GSK3B: variants seen among roughly 807,000 people sequenced by gnomAD.
GSK3B encodes glycogen synthase kinase 3 beta, also known as glycogen synthase kinase-3 beta.
In GSK3B, 15 loss-of-function variants were observed where a neutral mutation model predicts 56.4. The observed-to-expected ratio is 0.27, with a 90% confidence interval of 0.18 to 0.41. GSK3B has a LOEUF of 0.41. Among genes scored for constraint, GSK3B ranks in the 10% least tolerant of loss-of-function variants. The pLI is 1.00. For synonymous variants in GSK3B, 181 were observed against 188.9 expected (o/e 0.96, Z 0.34); for missense variants, 300 against 513.4 (o/e 0.58, Z 4.02).
At chr3:119,849,086 C>T (rs1320442113) in intron 9 of GSK3B, among the ~76,000 whole-genome samples, 2 of 152,058 alleles carry the variant, frequency 1.3e-5, no homozygotes, top group Non-Finnish European at 2.9e-5. Context: ...ATTGTGATGG[C>T]TGAAAACTTT....
intron 2 of GSK3B, among the ~76,000 whole-genome samples, chr3:119,985,750 C>T (rs2107458968): frequency 6.6e-6 from 1 of 152,242 alleles, no homozygotes; most frequent in Middle Eastern, 3.4e-3. Flanking sequence ...GTGAAAACGG[C>T]CATACTGCCC....
chr3:119,902,343 AGGAG>A (rs1402087002), intron 7 of GSK3B, among the ~76,000 whole-genome samples: 1 of 152,042 alleles, frequency 6.6e-6, no homozygotes, highest in Non-Finnish European at 1.5e-5. Flanking sequence ...AATAATAGGA[AGGAG>A]GGAGGGAGGG....
chr3:120,009,669 A>T (rs1166171341), intron 1 of GSK3B, among the ~76,000 whole-genome samples: 2 of 152,046 alleles, frequency 1.3e-5, no homozygotes, highest in Non-Finnish European at 2.9e-5. Context: ...GGAGGTGAAC[A>T]TCACACACCA....
intron 3 of GSK3B, among the ~76,000 whole-genome samples, chr3:119,940,685 T>C (rs2057039607): frequency 6.6e-6 from 1 of 152,154 alleles, no homozygotes. Flanking sequence ...AATGGCTTGA[T>C]GGTTCTGTTT....
At chr3:119,970,504 G>T (rs2057355282) in intron 2 of GSK3B, among the ~76,000 whole-genome samples, 1 of 151,874 alleles carries the variant, frequency 6.6e-6, no homozygotes, top group African/African-American at 2.4e-5. Flanking sequence ...GGGCGCGGTG[G>T]CTCACGCCTG....
intron 3 of GSK3B, among the ~76,000 whole-genome samples, chr3:119,936,442 G>T (rs759364005): frequency 6.7e-6 from 1 of 150,300 alleles, no homozygotes; most frequent in Non-Finnish European, 1.5e-5. Flanking sequence ...TGCCTCCCAG[G>T]TTCAAGTGAT....
At chr3:119,971,274 T>C (rs2057364069) in intron 2 of GSK3B, among the ~76,000 whole-genome samples, 1 of 152,210 alleles carries the variant, frequency 6.6e-6, no homozygotes, top group South Asian at 2.1e-4. Context: ...TCAGTCAAGA[T>C]TCAATTTCTG....
At chr3:119,981,687 C>T (rs953121027) in intron 2 of GSK3B, among the ~76,000 whole-genome samples, 5 of 152,236 alleles carry the variant, frequency 3.3e-5, no homozygotes, top group African/African-American at 9.6e-5. Context: ...AAAAAGTGGC[C>T]GGGAAGCTCG....
chr3:119,832,625 GATTAT>G (rs2055621314), intron 10 of GSK3B, among the ~76,000 whole-genome samples: 2 of 152,206 alleles, frequency 1.3e-5, no homozygotes. Context: ...GACAAAAAAG[GATTAT>G]ATTAGATTTA....
intron 1 of GSK3B, among the ~76,000 whole-genome samples, chr3:120,048,149 G>A (rs897290517): frequency 6.6e-6 from 1 of 152,148 alleles, no homozygotes; most frequent in South Asian, 2.1e-4. Context: ...TACAGATAAG[G>A]TAAAAGAAAA....
intron 2 of GSK3B, among the ~76,000 whole-genome samples, chr3:119,957,030 A>G (rs1227882565): frequency 2.0e-5 from 3 of 152,334 alleles, no homozygotes; most frequent in Non-Finnish European, 4.4e-5. Context: ...TTACAAACAC[A>G]GGTGGCTGGT....
chr3:120,039,353 A>G (rs76365284), intron 1 of GSK3B, among the ~76,000 whole-genome samples: 2,456 of 152,346 alleles, frequency 0.016, 63 homozygotes, highest in African/African-American at 0.056. Context: ...ATATTTACAC[A>G]AGTGAGTTGA....
intron 2 of GSK3B, among the ~76,000 whole-genome samples, chr3:119,976,723 G>A (rs1369502162): frequency 1.4e-5 from 2 of 146,618 alleles, no homozygotes; most frequent in African/African-American, 2.6e-5. Flanking sequence ...ATCTCAATAA[G>A]GTTGTTATAA....
rs548964033 is a variant in GSK3B, at chr3:120,036,703, G to T, written c.89-34464C>A. Among the ~76,000 whole-genome samples the T allele has an allele frequency of 5.6e-5, 8 of 142,334 alleles. No homozygotes were observed. The East Asian group carries it at 1.8e-3, about 32-fold the overall frequency. 93.4% of individuals were successfully genotyped at this position (142,334 alleles called of 152,430 possible). Reference sequence around the variant, plus strand: ...AGCTCATCAGGAGGCTGAGGCAAGAGAATTGCTTGAACCCGGGAGGCAGAA... The same window carrying T: ...AGCTCATCAGGAGGCTGAGGCAAGATAATTGCTTGAACCCGGGAGGCAGAA... On this transcript the variant is annotated intron_variant, in intron 1 of 10. Coordinates refer to ENST00000264235, the MANE Select transcript of GSK3B (RefSeq NM_001146156.2).
chr3:119,821,872 T>C lies in GSK3B; in HGVS notation c.*4916A>G. The C allele has an allele frequency of 5.8e-6, 1 of 173,026 alleles. No individual in the cohort carries two copies. Among genetic ancestry groups the C allele is most frequent in the Non-Finnish European group, 1.3e-5 (1 of 79,794 alleles). 10.7% of individuals were successfully genotyped at this position (173,026 alleles called of 1,614,324 possible). A position where few individuals can be genotyped will look rare whatever the true frequency, so the allele number is the denominator to read the frequency against. On this transcript the variant is annotated 3_prime_UTR_variant, in exon 11 of 11. Transcript: ENST00000264235. ...CTAATTAGAGGAATGGAAATGGTGA[T>C]GTGACTACATATTGCAGCGGCAAAA...
rs1363100332 is a variant in GSK3B, at chr3:120,002,330, T to C, written c.89-91A>G. ...AAATATACAAGGTAAACTATATTCTTTATTTTTTATTTTATTTTTTTTTTT... is the reference window on the plus strand; with the variant it reads ...AAATATACAAGGTAAACTATATTCTCTATTTTTTATTTTATTTTTTTTTTT... On this transcript the variant is annotated intron_variant, in intron 1 of 10. Coordinates refer to ENST00000264235, the MANE Select transcript of GSK3B (RefSeq NM_001146156.2). The C allele has an allele frequency of 2.1e-5, 12 of 580,208 alleles. No individual in the cohort carries two copies. The Admixed American group carries it at 3.2e-4, about 15-fold the overall frequency. 35.9% of individuals were successfully genotyped at this position (580,208 alleles called of 1,614,324 possible). A position where few individuals can be genotyped will look rare whatever the true frequency, so the allele number is the denominator to read the frequency against.
At chr3:119,974,087 A>G (rs760919681) in intron 2 of GSK3B, among the ~76,000 whole-genome samples, 15 of 152,346 alleles carry the variant, frequency 9.8e-5, no homozygotes, top group Admixed American at 2.0e-4. Context: ...AAACACATCC[A>G]TGAAAGAAAA....
intron 3 of GSK3B, among the ~76,000 whole-genome samples, chr3:119,929,180 C>A (rs1397944553): frequency 6.6e-6 from 1 of 152,014 alleles, no homozygotes; most frequent in South Asian, 2.1e-4. Flanking sequence ...ACAATCAGTT[C>A]CCATTGTAAA....
chr3:119,932,446 G>T (rs957121221), intron 3 of GSK3B, among the ~76,000 whole-genome samples: 2 of 151,818 alleles, frequency 1.3e-5, no homozygotes, highest in Non-Finnish European at 2.9e-5. Context: ...AACGATTAAG[G>T]CAAATTTCAT....
Sources: allele counts gnomAD v4.1 joint callset (sites outside exome capture counted in the v4.1 genomes callset), GRCh38; gene constraint gnomAD v4.1.1; transcripts MANE v1.5; gene names NCBI Gene and HGNC (gene_info 2026-07-23, HGNC 2026-07-21).